Variants in RPH3A observed in about 807,000 individuals in gnomAD.
The protein encoded by RPH3A is rabphilin 3A.
RPH3A carries 48 observed loss-of-function variants against 102.2 expected under a neutral mutation model. The observed-to-expected ratio is 0.47, with a 90% CI of 0.37 to 0.60. The LOEUF is 0.60. RPH3A is among the 20% of genes least tolerant of loss of function. The pLI is 0.00. For missense variants in RPH3A, 781 were observed against 910.1 expected (o/e 0.86, Z 1.83); for synonymous variants, 310 against 324.3 (o/e 0.96, Z 0.47).
chr12:112,606,582 T>C (rs968600011), intron 1 of RPH3A, among the ~76,000 whole-genome samples: 3 of 152,164 alleles, frequency 2.0e-5, no homozygotes, highest in Admixed American at 2.0e-4. Context: ...GATTTCACCA[T>C]GTTGACCAGG....
chr12:112,665,457 A>G (rs1393696455), intron 1 of RPH3A, among the ~76,000 whole-genome samples: 1 of 152,206 alleles, frequency 6.6e-6, no homozygotes, highest in African/African-American at 2.4e-5. Context: ...TTTACTAGAA[A>G]TCGACTAATC....
At chr12:112,871,069 T>A (rs912978479) in intron 10 of RPH3A, among the ~76,000 whole-genome samples, 1 of 152,214 alleles carries the variant, frequency 6.6e-6, no homozygotes, top group African/African-American at 2.4e-5. Flanking sequence ...CAACTGATAA[T>A]TGGTTAGAAT....
chr12:112,732,461 G>C (rs1265603321), intron 1 of RPH3A, among the ~76,000 whole-genome samples: 1 of 152,204 alleles, frequency 6.6e-6, no homozygotes, highest in Non-Finnish European at 1.5e-5. Context: ...GTGAGAATTT[G>C]ATGAGTCCAT....
chr12:112,825,742 G>T (rs2041858401), intron 2 of RPH3A, among the ~76,000 whole-genome samples: 1 of 152,070 alleles, frequency 6.6e-6, no homozygotes, highest in Non-Finnish European at 1.5e-5. Flanking sequence ...GTTCCGCACG[G>T]CTTACATGTT....
At chr12:112,730,857 A>T (rs2040627826) in intron 1 of RPH3A, among the ~76,000 whole-genome samples, 1 of 152,152 alleles carries the variant, frequency 6.6e-6, no homozygotes, top group Admixed American at 6.5e-5. Flanking sequence ...AGAACATCCC[A>T]GGAAATGAGG....
At chr12:112,714,346 G>C (rs2040500215) in intron 1 of RPH3A, among the ~76,000 whole-genome samples, 1 of 152,148 alleles carries the variant, frequency 6.6e-6, no homozygotes, top group Non-Finnish European at 1.5e-5. Context: ...ACAGGAAGAT[G>C]TCAGAAGACA....
chr12:112,697,315 C>T (rs2040359831), intron 1 of RPH3A, among the ~76,000 whole-genome samples: 1 of 152,082 alleles, frequency 6.6e-6, no homozygotes, highest in African/African-American at 2.4e-5. Flanking sequence ...AATTTTACTA[C>T]TATATACTAG....
At chr12:112,752,806 A>G (rs1316519992) in intron 1 of RPH3A, among the ~76,000 whole-genome samples, 1 of 151,960 alleles carries the variant, frequency 6.6e-6, no homozygotes, top group Non-Finnish European at 1.5e-5. Flanking sequence ...TGCTTTATAG[A>G]CTTCCTTGCG....
intron 1 of RPH3A, among the ~76,000 whole-genome samples, chr12:112,674,213 G>A (rs1200166475): frequency 1.3e-5 from 2 of 152,070 alleles, no homozygotes; most frequent in Non-Finnish European, 2.9e-5. Context: ...GTGTGCCACC[G>A]CACTTGGCTA....
At chr12:112,896,535 G>T (rs2043181966) in intron 21 of RPH3A, 115 bp from the exon 22 acceptor site, 11 of 1,174,872 alleles carry the variant, frequency 9.4e-6, no homozygotes, top group Non-Finnish European at 1.2e-5. Context: ...ATAGAGTATG[G>T]ATCCCAGGTT....
chr12:112,874,846 G>C, intron 10 of RPH3A: 1 of 504,664 alleles, frequency 2.0e-6, no homozygotes, highest in Non-Finnish European at 3.5e-6. Context: ...GGTGGAAGGA[G>C]GATTGTAGAA....
Position 112,740,663 on chromosome 12 carries a change from G to C in RPH3A, c.-139-51480G>C, listed in dbSNP as rs576287687. Among the ~76,000 whole-genome samples the C allele has an allele frequency of 2.1e-4, 32 of 152,332 alleles. No individual in the cohort carries two copies. In the South Asian group the frequency reaches 6.2e-3, roughly 30 times the overall value. ...GTCTTTCATAGAAGCTTCAGTTACTGATGCCAAATGTCAACATATCAAATT... is the reference window on the plus strand; with the variant it reads ...GTCTTTCATAGAAGCTTCAGTTACTCATGCCAAATGTCAACATATCAAATT... On this transcript the variant is annotated intron_variant, in intron 1 of 21. Transcript: ENST00000543106.
chr12:112,714,650 G>A (rs1481794464), intron 1 of RPH3A, among the ~76,000 whole-genome samples: 3 of 152,134 alleles, frequency 2.0e-5, no homozygotes. Context: ...TCTTTCCTGG[G>A]CAGTAAAGAG....
At chr12:112,694,872 G>C (rs2040338661) in intron 1 of RPH3A, among the ~76,000 whole-genome samples, 1 of 152,158 alleles carries the variant, frequency 6.6e-6, no homozygotes, top group South Asian at 2.1e-4. Flanking sequence ...GATTAAGTGA[G>C]GAAAAGTCTC....
chr12:112,703,191 G>A (rs1173075054), intron 1 of RPH3A, among the ~76,000 whole-genome samples: 1 of 152,234 alleles, frequency 6.6e-6, no homozygotes, highest in African/African-American at 2.4e-5. Context: ...AGAAAGATGA[G>A]AGACAGGTGG....
chr12:112,829,445 T>C (rs1162709830), intron 3 of RPH3A, among the ~76,000 whole-genome samples: 2 of 151,970 alleles, frequency 1.3e-5, no homozygotes, highest in Non-Finnish European at 2.9e-5. Context: ...TAACTTTAAT[T>C]TCTTTTTGTA....
intron 1 of RPH3A, among the ~76,000 whole-genome samples, chr12:112,709,574 C>G (rs112014897): frequency 1.3e-5 from 2 of 151,360 alleles, no homozygotes; most frequent in Non-Finnish European, 2.9e-5. Flanking sequence ...AAATTACTCT[C>G]GTGTCAGGTG....
chr12:112,683,986 G>A lies in RPH3A; in HGVS notation c.-139-108157G>A, dbSNP rs77080953. On this transcript the variant is annotated intron_variant, in intron 1 of 21. Coordinates refer to the RPH3A transcript ENST00000543106. Reference sequence around the variant, plus strand: ...TGATTATAAAATTATTATTCTCATCGATTTTCTGATGATAAAATACATATG... The same window carrying A: ...TGATTATAAAATTATTATTCTCATCAATTTTCTGATGATAAAATACATATG... 7.1e-3 allele frequency among the ~76,000 whole-genome samples: 1,072 copies of A among 152,028 alleles called. 20 individuals carry two copies. Among genetic ancestry groups the A allele is most frequent in the African/African-American group, 0.025 (1,017 of 41,448 alleles).
At chr12:112,711,713 C>T (rs908973524) in intron 1 of RPH3A, among the ~76,000 whole-genome samples, 5 of 152,290 alleles carry the variant, frequency 3.3e-5, no homozygotes, top group African/African-American at 1.2e-4. Flanking sequence ...TCTCATTGGG[C>T]GGGCTCTGTT....
Sources: allele counts gnomAD v4.1 joint callset (sites outside exome capture counted in the v4.1 genomes callset), GRCh38; gene constraint gnomAD v4.1.1; transcripts MANE v1.5; gene names NCBI Gene and HGNC (gene_info 2026-07-23, HGNC 2026-07-21).